ASIC2: variants seen among roughly 807,000 people sequenced by gnomAD.
The protein encoded by ASIC2 is acid sensing ion channel subunit 2.
A neutral mutation model predicts 57.3 loss-of-function variants in ASIC2; 25 were observed. The ratio of observed to expected loss-of-function variants is 0.44; its 90% CI spans 0.32 to 0.61. The LOEUF (loss-of-function observed/expected upper bound fraction) is 0.61, where lower values mean the gene tolerates loss of function less well. ASIC2 is among the 20% of genes least tolerant of loss of function. ASIC2 has a pLI of 0.06. For synonymous variants in ASIC2, 319 were observed against 307.5 expected, an observed-to-expected ratio of 1.04 and a Z score of -0.39; for missense variants, 641 against 738.1, an observed-to-expected ratio of 0.87 and a Z score of 1.52.
intron 3 of ASIC2, among the ~76,000 whole-genome samples, chr17:33,030,681 T>C (rs1567721427): frequency 6.6e-6 from 1 of 152,136 alleles, no homozygotes; most frequent in East Asian, 1.9e-4. Flanking sequence ...ATTGAGAAAG[T>C]TCTGTCTTAT....
At chr17:33,719,453 T>A (rs1567697528) in intron 1 of ASIC2, among the ~76,000 whole-genome samples, 1 of 152,218 alleles carries the variant, frequency 6.6e-6, no homozygotes. Flanking sequence ...GCCTGAAGAT[T>A]AGAAGGAGTG....
chr17:33,126,856 C>CTTTT (rs1159710708), intron 1 of ASIC2, among the ~76,000 whole-genome samples: 3,042 of 85,236 alleles, frequency 0.036, 294 homozygotes, highest in African/African-American at 0.091. Context: ...TACCATTACT[C>CTTTT]TTTTTTTTTT....
intron 1 of ASIC2, among the ~76,000 whole-genome samples, chr17:34,045,263 A>C (rs529950188): frequency 6.6e-6 from 1 of 152,254 alleles, no homozygotes; most frequent in South Asian, 2.1e-4. Context: ...CATCCTCCCC[A>C]TCCCCATGTA....
At chr17:33,146,875 A>G (rs1020484279) in intron 1 of ASIC2, among the ~76,000 whole-genome samples, 4 of 152,208 alleles carry the variant, frequency 2.6e-5, no homozygotes, top group South Asian at 4.1e-4. Flanking sequence ...TTATTACTTC[A>G]GTCATTCTCA....
rs1904739288 is a variant in ASIC2 at position 34,156,756 on chromosome 17, G to C, written c.-224C>G. On this transcript the variant is annotated 5_prime_UTR_variant, in exon 1 of 10. Coordinates refer to the ASIC2 transcript ENST00000359872. The surrounding 1 kb of genome is among the most constrained non-coding windows in gnomAD (Gnocchi z 4.4). ...CTCTAGCTCTTGATTTTTTCCAGGC[G>C]ATAAGGAGGGCTGGTTTTATTTAGG... is the stretch of plus-strand genomic sequence containing the variant. 1 of 539,838 alleles carries C rather than the reference G, an allele frequency of 1.9e-6. No individual in the cohort carries two copies. The highest frequency in any genetic ancestry group is 1.9e-5 in the African/African-American group (1 of 52,880). 33.4% of individuals were successfully genotyped at this position (539,838 alleles called of 1,614,324 possible).
intron 1 of ASIC2, chr17:33,112,625 C>A (rs2092264297): frequency 6.6e-6 from 1 of 152,452 alleles, no homozygotes; most frequent in Non-Finnish European, 1.5e-5. Flanking sequence ...CTCAGAGTTG[C>A]TGCCCACTCC....
chr17:33,667,874 A>T (rs1907525717), intron 1 of ASIC2, among the ~76,000 whole-genome samples: 1 of 152,178 alleles, frequency 6.6e-6, no homozygotes, highest in South Asian at 2.1e-4. Flanking sequence ...ATCTATAAGC[A>T]CAGCTGCTTA....
intron 1 of ASIC2, among the ~76,000 whole-genome samples, chr17:33,767,181 G>C (rs779396322): frequency 3.5e-4 from 54 of 152,180 alleles, no homozygotes; most frequent in Non-Finnish European, 7.2e-4. Context: ...ATTGTGCAAG[G>C]CATAAATTCC....
At chr17:33,033,817 TGCCCATGCATGAATCG>T (rs1163402094) in intron 3 of ASIC2, among the ~76,000 whole-genome samples, 7 of 151,916 alleles carry the variant, frequency 4.6e-5, no homozygotes, top group African/African-American at 1.5e-4. Flanking sequence ...CACCCATGGG[TGCCCATGCATGAATCG>T]GCACACACTT....
chr17:33,447,865 C>A (rs1597730961), intron 1 of ASIC2, among the ~76,000 whole-genome samples: 1 of 108,772 alleles, frequency 9.2e-6, no homozygotes, highest in South Asian at 2.8e-4. Flanking sequence ...ATGTTTCTAG[C>A]ATAAAGAAAA....
chr17:33,373,583 A>G (rs1909166153), intron 1 of ASIC2, among the ~76,000 whole-genome samples: 1 of 152,202 alleles, frequency 6.6e-6, no homozygotes, highest in Admixed American at 6.5e-5. Context: ...ATAATCCCTT[A>G]TTGCTCAGGA....
rs564844394 is a variant in ASIC2 at position 33,061,489 on chromosome 17, G to A, written c.987+27374C>T. ...TTATTGATTTGCGTATGTTGAACCA[G>A]CCTTGCATCCCAGGGATGAAGACAA... On this transcript the variant is annotated intron_variant, in intron 3 of 9. Coordinates refer to ENST00000225823, the MANE Select transcript of ASIC2 (RefSeq NM_183377.2). 2.3e-3 allele frequency among the ~76,000 whole-genome samples: 356 copies of A among 152,292 alleles called. 2 individuals carry two copies. Among genetic ancestry groups the A allele is most frequent in the Non-Finnish European group, 3.8e-3 (259 of 68,028 alleles).
chr17:33,580,642 A>G (rs1322672524), intron 1 of ASIC2, among the ~76,000 whole-genome samples: 1 of 152,034 alleles, frequency 6.6e-6, no homozygotes, highest in East Asian at 1.9e-4. Context: ...TGAAGACTCA[A>G]TGACCCCAGC....
intron 1 of ASIC2, among the ~76,000 whole-genome samples, chr17:33,750,673 G>A (rs1163485690): frequency 6.6e-6 from 1 of 152,140 alleles, no homozygotes; most frequent in Non-Finnish European, 1.5e-5. Flanking sequence ...TGTTTATAAT[G>A]CTTTGTTTGT....
intron 1 of ASIC2, among the ~76,000 whole-genome samples, chr17:33,393,932 C>T (rs1463495797): frequency 3.9e-5 from 6 of 152,208 alleles, no homozygotes; most frequent in Non-Finnish European, 7.3e-5. Context: ...TCTACTTAGC[C>T]ATGTAATCTT....
intron 1 of ASIC2, among the ~76,000 whole-genome samples, chr17:33,681,407 C>T (rs1262891202): frequency 6.6e-6 from 1 of 152,192 alleles, no homozygotes; most frequent in Non-Finnish European, 1.5e-5. Flanking sequence ...TCAAAGATTT[C>T]TCCAGGCATT....
chr17:33,273,670 G>A (rs181370566), intron 1 of ASIC2, among the ~76,000 whole-genome samples: 136 of 152,256 alleles, frequency 8.9e-4, no homozygotes, highest in Non-Finnish European at 1.5e-3. Flanking sequence ...AATTCATTTC[G>A]CCCTCACAAC....
intron 1 of ASIC2, among the ~76,000 whole-genome samples, chr17:33,710,590 T>A (rs1908998310): frequency 6.6e-6 from 1 of 152,216 alleles, no homozygotes; most frequent in South Asian, 2.1e-4. Context: ...GCTCATAAAT[T>A]TACTTTTACT....
intron 1 of ASIC2, among the ~76,000 whole-genome samples, chr17:33,501,191 C>T (rs1446464091): frequency 1.3e-5 from 2 of 152,226 alleles, no homozygotes; most frequent in African/African-American, 2.4e-5. Context: ...TTAATGGACA[C>T]GTGATGCCGG....
Sources: gnomAD v4.1 joint callset for allele counts (sites outside exome capture counted in the v4.1 genomes callset) on GRCh38, gnomAD v4.1.1 for gene constraint, Gnocchi (gnomAD v3.1) non-coding constraint, MANE v1.5 for transcripts, NCBI Gene and HGNC (gene_info 2026-07-23, HGNC 2026-07-21) for gene names.